ZNF521: variants seen among roughly 807,000 people sequenced by gnomAD.
ZNF521 encodes zinc finger protein 521.
In ZNF521, 14 loss-of-function variants were observed where a neutral mutation model predicts 105.5. That is an observed-to-expected ratio of 0.13 (90% CI 0.09 to 0.21). ZNF521 has a LOEUF of 0.21. ZNF521 is among the 10% of genes least tolerant of loss of function. ZNF521 has a pLI of 1.00. For synonymous variants in ZNF521, 635 were observed against 606.0 expected (o/e 1.05, Z -0.70); for missense variants, 1,233 against 1,629.7 (o/e 0.76, Z 4.19).
intron 5 of ZNF521, among the ~76,000 whole-genome samples, chr18:25,142,796 C>A (rs2034874367): frequency 6.6e-6 from 1 of 151,784 alleles, no homozygotes; most frequent in South Asian, 2.1e-4. Flanking sequence ...CAGAAGTATT[C>A]ATTAACACTA....
At chr18:25,100,683 A>G (rs2033949011) in intron 5 of ZNF521, among the ~76,000 whole-genome samples, 1 of 143,448 alleles carries the variant, frequency 7.0e-6, no homozygotes, top group Non-Finnish European at 1.5e-5. Flanking sequence ...TGAAGAATTA[A>G]AAAAAAAAAA....
intron 5 of ZNF521, among the ~76,000 whole-genome samples, chr18:25,155,325 A>G (rs538813468): frequency 2.1e-3 from 327 of 152,294 alleles, no homozygotes; most frequent in Non-Finnish European, 4.1e-3. Context: ...ATATAAAGTT[A>G]GCAAATATTT....
At chr18:25,288,388 T>C (rs757648556) in intron 3 of ZNF521, among the ~76,000 whole-genome samples, 14 of 152,190 alleles carry the variant, frequency 9.2e-5, no homozygotes, top group Non-Finnish European at 1.9e-4. Flanking sequence ...CAGCAAACTT[T>C]AGTCTCTGAC....
intron 4 of ZNF521, among the ~76,000 whole-genome samples, chr18:25,208,706 C>A (rs1310592474): frequency 1.3e-5 from 2 of 152,014 alleles, no homozygotes; most frequent in African/African-American, 2.4e-5. Context: ...TTTTGTTATG[C>A]CAAATTTAAA....
intron 7 of ZNF521, among the ~76,000 whole-genome samples, chr18:25,083,607 T>C (rs2033552699): frequency 6.6e-6 from 1 of 152,180 alleles, no homozygotes; most frequent in Non-Finnish European, 1.5e-5. Context: ...ATTGATTACA[T>C]ATCACCTCAT....
chr18:25,080,403 C>G (rs1447456559), intron 7 of ZNF521, among the ~76,000 whole-genome samples: 1 of 152,222 alleles, frequency 6.6e-6, no homozygotes, highest in Non-Finnish European at 1.5e-5. Flanking sequence ...ACTACTCTCT[C>G]TCTCCAATAA....
intron 4 of ZNF521, among the ~76,000 whole-genome samples, chr18:25,222,438 A>G (rs1216450858): frequency 6.6e-6 from 1 of 152,192 alleles, no homozygotes; most frequent in Non-Finnish European, 1.5e-5. Context: ...TAAATATCAG[A>G]AAATACAAAC....
rs1906239263 is a variant in ZNF521, at chr18:25,227,453, G to A, written c.465C>T (p.Phe155=). The change falls in exon 4 of 8, where the codon TTC becomes TTT. Residue 155 remains phenylalanine (F), a synonymous_variant. Transcript: ENST00000361524. This position sits in a 1 kb window ranked among gnomAD's most constrained non-coding sequence, Gnocchi z 5.7. ...PFKCTYCSRL[F]KHKRSRDRHI... ...GGCGATCTCGGCTGCGCTTGTGTTT[G>A]AACAGCCTACTGCAGTAGGTGCATT... 5.0e-6 allele frequency: 8 copies of A among 1,613,522 alleles called. No individual in the cohort carries two copies. The highest frequency in any genetic ancestry group is 6.8e-6 in the Non-Finnish European group (8 of 1,179,900).
intron 3 of ZNF521, among the ~76,000 whole-genome samples, chr18:25,273,099 C>T (rs1361299880): frequency 1.3e-5 from 2 of 150,924 alleles, no homozygotes; most frequent in East Asian, 2.0e-4. Flanking sequence ...CGATGACATG[C>T]ACCTGTAGTC....
intron 3 of ZNF521, among the ~76,000 whole-genome samples, chr18:25,293,162 T>C (rs1233108667): frequency 6.6e-6 from 1 of 152,192 alleles, no homozygotes. Context: ...CCCTGTTGCT[T>C]AGTGATCATT....
chr18:25,200,199 A>G (rs1398278461), intron 4 of ZNF521, among the ~76,000 whole-genome samples: 1 of 151,930 alleles, frequency 6.6e-6, no homozygotes, highest in Non-Finnish European at 1.5e-5. Flanking sequence ...TTTCCATATA[A>G]TTAAGTAGTG....
At chr18:25,138,836 G>A (rs1246087461) in intron 5 of ZNF521, among the ~76,000 whole-genome samples, 1 of 152,080 alleles carries the variant, frequency 6.6e-6, no homozygotes, top group Non-Finnish European at 1.5e-5. Flanking sequence ...CTGGCCTTGT[G>A]ATTCCCATCC....
rs142069995 is a variant in ZNF521 at position 25,132,144 on chromosome 18, T to C, written c.3659-40063A>G. ...ATGAAAGGGGCAGCTACTTGAGTGATGGTGTGAAACGGGAGTACTGGGAAC... is the reference window on the plus strand; with the variant it reads ...ATGAAAGGGGCAGCTACTTGAGTGACGGTGTGAAACGGGAGTACTGGGAAC... On this transcript the variant is annotated intron_variant, in intron 5 of 7. Coordinates refer to ENST00000361524, the MANE Select transcript of ZNF521 (RefSeq NM_015461.3). Among the ~76,000 whole-genome samples the C allele has an allele frequency of 2.9e-3, 436 of 152,326 alleles. 4 individuals are homozygous for C. Among genetic ancestry groups the C allele is most frequent in the African/African-American group, 0.01 (418 of 41,592 alleles).
intron 5 of ZNF521, among the ~76,000 whole-genome samples, chr18:25,184,290 T>C (rs766378202): frequency 2.0e-5 from 3 of 152,200 alleles, no homozygotes; most frequent in Non-Finnish European, 4.4e-5. Flanking sequence ...TTACAGTAGA[T>C]AGAAAGTAGG....
intron 3 of ZNF521, among the ~76,000 whole-genome samples, chr18:25,265,931 G>A (rs967476673): frequency 3.3e-5 from 5 of 152,150 alleles, no homozygotes; most frequent in African/African-American, 9.7e-5. Context: ...AAATAAGCCA[G>A]GCACAGAAAG....
At chr18:25,163,924 G>A (rs995635681) in intron 5 of ZNF521, among the ~76,000 whole-genome samples, 1 of 152,136 alleles carries the variant, frequency 6.6e-6, no homozygotes, top group Non-Finnish European at 1.5e-5. Context: ...TAAATGATAG[G>A]AAGGTCCCAG....
chr18:25,149,888 C>T (rs1381535280), intron 5 of ZNF521, among the ~76,000 whole-genome samples: 1 of 152,152 alleles, frequency 6.6e-6, no homozygotes, highest in Non-Finnish European at 1.5e-5. Flanking sequence ...ATCAGATATG[C>T]TCTGAGCAGA....
At chr18:25,240,655 GC>G (rs1220806249) in intron 3 of ZNF521, among the ~76,000 whole-genome samples, 1 of 152,094 alleles carries the variant, frequency 6.6e-6, no homozygotes. Flanking sequence ...AGCAATGATA[GC>G]CCTTGATTCT....
intron 5 of ZNF521, among the ~76,000 whole-genome samples, chr18:25,176,959 G>A (rs1285384547): frequency 1.3e-5 from 2 of 152,202 alleles, no homozygotes; most frequent in African/African-American, 2.4e-5. Context: ...GCTGTGACCT[G>A]AGCACTTACC....
Sources: gnomAD v4.1 joint callset for allele counts (sites outside exome capture counted in the v4.1 genomes callset) on GRCh38, gnomAD v4.1.1 for gene constraint, Gnocchi (gnomAD v3.1) non-coding constraint, MANE v1.5 for transcripts, NCBI Gene and HGNC (gene_info 2026-07-23, HGNC 2026-07-21) for gene names.